Variants in ZNF148 observed in about 807,000 individuals in gnomAD.
ZNF148 encodes the protein zinc finger protein 148.
A neutral mutation model predicts 67.7 loss-of-function variants in ZNF148; 7 were observed. The ratio of observed to expected loss-of-function variants is 0.10; its 90% confidence interval spans 0.06 to 0.19. ZNF148 has a LOEUF of 0.19. Among genes scored for constraint, ZNF148 ranks in the 10% least tolerant of loss-of-function variants. The pLI, the probability that ZNF148 is intolerant of heterozygous loss-of-function variation, is 1.00. For synonymous variants in ZNF148, 333 were observed against 330.7 expected (o/e 1.01, Z -0.08); for missense variants, 583 against 947.1 (o/e 0.62, Z 5.05).
intron 1 of ZNF148, among the ~76,000 whole-genome samples, chr3:125,345,855 C>CA (rs764045522): frequency 1.3e-4 from 20 of 150,720 alleles, no homozygotes; most frequent in Non-Finnish European, 1.5e-4. Context: ...AAACAAAAAA[C>CA]AAAAAAAAAC....
At chr3:125,245,784 G>C (rs1323090889) in intron 7 of ZNF148, among the ~76,000 whole-genome samples, 1 of 152,194 alleles carries the variant, frequency 6.6e-6, no homozygotes, top group Non-Finnish European at 1.5e-5. Context: ...CTAAGGAGTA[G>C]TTTCTCTGGG....
At chr3:125,328,994 T>C (rs1248257422) in intron 2 of ZNF148, among the ~76,000 whole-genome samples, 1 of 62,504 alleles carries the variant, frequency 1.6e-5, no homozygotes, top group African/African-American at 8.2e-5. Flanking sequence ...GAATTTATAC[T>C]ACTGATATAT....
At chr3:125,286,908 T>G (rs1173361037) in intron 5 of ZNF148, among the ~76,000 whole-genome samples, 2 of 152,180 alleles carry the variant, frequency 1.3e-5, no homozygotes, top group Non-Finnish European at 2.9e-5. Context: ...GTAGGCATAT[T>G]TATATGTCCC....
chr3:125,296,794 T>C (rs926531784), intron 4 of ZNF148, among the ~76,000 whole-genome samples: 1 of 152,160 alleles, frequency 6.6e-6, no homozygotes, highest in African/African-American at 2.4e-5. Context: ...ATTATACAAA[T>C]ATTAGAAATC....
chr3:125,304,230 TG>T (rs1939750666), intron 4 of ZNF148, among the ~76,000 whole-genome samples: 2 of 151,650 alleles, frequency 1.3e-5, no homozygotes, highest in South Asian at 4.2e-4. Context: ...CAGGGTGAGG[TG>T]GTTCTCCATA....
intron 2 of ZNF148, among the ~76,000 whole-genome samples, chr3:125,329,868 A>C (rs1026555464): frequency 2.0e-5 from 3 of 152,230 alleles, no homozygotes; most frequent in Admixed American, 1.3e-4. Flanking sequence ...TTACTGAATA[A>C]TATGGTGTGA....
intron 7 of ZNF148, among the ~76,000 whole-genome samples, chr3:125,234,847 TC>T (rs1179184917): frequency 1.3e-5 from 2 of 152,214 alleles, no homozygotes; most frequent in East Asian, 3.8e-4. Context: ...TTATATTTAT[TC>T]TTTTCCTCAA....
intron 4 of ZNF148, among the ~76,000 whole-genome samples, chr3:125,305,853 A>T (rs1026802444): frequency 6.6e-6 from 1 of 152,072 alleles, no homozygotes; most frequent in African/African-American, 2.4e-5. Flanking sequence ...CCTAACTGAC[A>T]TTTATAAAAT....
intron 3 of ZNF148, among the ~76,000 whole-genome samples, chr3:125,320,586 T>C (rs1393004734): frequency 1.3e-5 from 2 of 152,320 alleles, no homozygotes; most frequent in African/African-American, 4.8e-5. Context: ...CAGGTTATAA[T>C]AGGCAAGCTT....
chr3:125,261,131 C>T (rs967493180), intron 7 of ZNF148, among the ~76,000 whole-genome samples: 5 of 152,132 alleles, frequency 3.3e-5, no homozygotes, highest in African/African-American at 1.2e-4. Flanking sequence ...TTTCAGGGGC[C>T]ATATGATCTC....
At chr3:125,242,592 C>T (rs1283204605) in intron 7 of ZNF148, among the ~76,000 whole-genome samples, 1 of 152,160 alleles carries the variant, frequency 6.6e-6, no homozygotes, top group Non-Finnish European at 1.5e-5. Context: ...GACTGCGCCA[C>T]TGCACTCCAG....
chr3:125,340,249 ACT>A (rs1181110796), intron 1 of ZNF148, among the ~76,000 whole-genome samples: 4 of 152,178 alleles, frequency 2.6e-5, no homozygotes, highest in Admixed American at 1.3e-4. Context: ...AATGGCAACA[ACT>A]CTCTGATGTT....
intron 4 of ZNF148, among the ~76,000 whole-genome samples, chr3:125,309,123 T>C (rs983663035): frequency 6.6e-6 from 1 of 152,186 alleles, no homozygotes; most frequent in Non-Finnish European, 1.5e-5. Flanking sequence ...CTTCCCAGGA[T>C]TACTAAAACA....
intron 1 of ZNF148, among the ~76,000 whole-genome samples, chr3:125,335,282 T>C (rs1406363853): frequency 1.3e-5 from 2 of 152,200 alleles, no homozygotes; most frequent in East Asian, 1.9e-4. Flanking sequence ...TTAGTAAAGC[T>C]GGAATTTCCT....
intron 1 of ZNF148, among the ~76,000 whole-genome samples, chr3:125,343,794 C>CT (rs1941832127): frequency 6.6e-6 from 1 of 152,106 alleles, no homozygotes; most frequent in African/African-American, 2.4e-5. Context: ...TCCGTGCCAT[C>CT]TTTAAGAGCT....
chr3:125,327,992 A>G (rs375181140), intron 2 of ZNF148, among the ~76,000 whole-genome samples: 1 of 152,008 alleles, frequency 6.6e-6, no homozygotes, highest in African/African-American at 2.4e-5. Flanking sequence ...ATATGCTCTC[A>G]GGCATTTTAT....
Position 125,257,383 on chromosome 3 carries a change from G to A in ZNF148, c.667+20343C>T, listed in dbSNP as rs764552790. On this transcript the variant is annotated intron_variant, in intron 7 of 8. Transcript: ENST00000360647. ...CCTGGCCTGAACATGGCGAAACCCC[G>A]TCTCTACTAAAAATACAAAAAAATT... is the stretch of plus-strand genomic sequence containing the variant. Among the ~76,000 whole-genome samples the A allele has an allele frequency of 7.9e-5, 12 of 151,836 alleles. No individual in the cohort carries two copies. The East Asian group carries it at 1.6e-3, about 20-fold the overall frequency.
chr3:125,345,137 G>C (rs567012821), intron 1 of ZNF148, among the ~76,000 whole-genome samples: 1 of 151,982 alleles, frequency 6.6e-6, no homozygotes, highest in Admixed American at 6.6e-5. Flanking sequence ...AGTACCCATG[G>C]AACATTCACC....
Position 125,239,135 on chromosome 3 carries a change from T to A in ZNF148, c.668-4806A>T, listed in dbSNP as rs117060650. ...GAAAAGAGAGTTATTGCTTAATGGG[T>A]ACAGAGTTTCTATTCGGTTACACAA... On this transcript the variant is annotated intron_variant, in intron 7 of 8. Coordinates refer to ENST00000360647, the MANE Select transcript of ZNF148 (RefSeq NM_021964.3). Among the ~76,000 whole-genome samples the A allele has an allele frequency of 1.7e-4, 26 of 152,310 alleles. No homozygotes were observed. The East Asian group carries it at 5.0e-3, about 29-fold the overall frequency.
Sources: gnomAD v4.1 joint callset for allele counts (sites outside exome capture counted in the v4.1 genomes callset) on GRCh38, gnomAD v4.1.1 for gene constraint, MANE v1.5 for transcripts, NCBI Gene and HGNC (gene_info 2026-07-23, HGNC 2026-07-21) for gene names.